Variants in SCAPER observed in about 807,000 individuals in gnomAD.
SCAPER encodes S phase cyclin A-associated protein in the endoplasmic reticulum.
A neutral mutation model predicts 182.2 loss-of-function variants in SCAPER; 98 were observed. The ratio of observed to expected loss-of-function variants is 0.54; its 90% CI spans 0.46 to 0.64. The LOEUF is 0.64. Ranked by LOEUF, SCAPER falls within the 30% of genes least tolerant of loss-of-function variation. SCAPER has a pLI of 0.00. For synonymous variants in SCAPER, 605 were observed against 564.6 expected (o/e 1.07, Z -1.01); for missense variants, 1,432 against 1,690.0 (o/e 0.85, Z 2.68).
At chr15:76,847,869 TATG>T (rs2070279008) in intron 4 of SCAPER, among the ~76,000 whole-genome samples, 2 of 152,142 alleles carry the variant, frequency 1.3e-5, no homozygotes, top group Admixed American at 1.3e-4. Context: ...TGCAGTGAGC[TATG>T]ATCATGCCAC....
chr15:76,661,686 T>A (rs1324600762), intron 21 of SCAPER, among the ~76,000 whole-genome samples: 2 of 152,054 alleles, frequency 1.3e-5, no homozygotes, highest in East Asian at 3.8e-4. Context: ...AAAAAAACAA[T>A]GCTGGGGAGG....
At chr15:76,888,238 A>T (rs1005758146) in intron 1 of SCAPER, among the ~76,000 whole-genome samples, 1 of 152,264 alleles carries the variant, frequency 6.6e-6, no homozygotes, top group African/African-American at 2.4e-5. Context: ...AGAGCAGAAA[A>T]GCTGAAAATT....
At chr15:76,741,976 A>C (rs1022345312) in intron 15 of SCAPER, among the ~76,000 whole-genome samples, 1 of 152,148 alleles carries the variant, frequency 6.6e-6, no homozygotes, top group African/African-American at 2.4e-5. Context: ...CTAAAAAAGA[A>C]GAGTAAGTGA....
chr15:76,700,980 G>A (rs575371178), intron 20 of SCAPER, among the ~76,000 whole-genome samples: 83 of 151,822 alleles, frequency 5.5e-4, no homozygotes, highest in African/African-American at 1.9e-3. Flanking sequence ...AGCCCAAAGG[G>A]TACAACAAAT....
chr15:76,890,391 A>G lies in SCAPER; in HGVS notation c.-59-6515T>C, dbSNP rs554089289. Among the ~76,000 whole-genome samples the G allele has an allele frequency of 3.7e-4, 57 of 152,296 alleles. 4 individuals carry two copies. The South Asian group carries it at 0.012, about 32-fold the overall frequency. ...AATGAATCCAGGAGCTGTTTTTTTG[A>G]AAAGATCAACAAAATTGATAGACTG... On this transcript the variant is annotated intron_variant, in intron 1 of 31. Coordinates refer to ENST00000563290, the MANE Select transcript of SCAPER (RefSeq NM_020843.4).
At chr15:76,711,765 C>T (rs1286220333) in intron 17 of SCAPER, among the ~76,000 whole-genome samples, 1 of 152,070 alleles carries the variant, frequency 6.6e-6, no homozygotes, top group East Asian at 1.9e-4. Flanking sequence ...ATATCCTCCC[C>T]CCATTTTTTG....
At chr15:76,655,749 C>G (rs1175828458) in intron 21 of SCAPER, among the ~76,000 whole-genome samples, 2 of 152,156 alleles carry the variant, frequency 1.3e-5, no homozygotes, top group Non-Finnish European at 2.9e-5. Flanking sequence ...AGATTGGACG[C>G]TTATATTCAG....
intron 23 of SCAPER, among the ~76,000 whole-genome samples, chr15:76,550,415 G>C (rs1383955904): frequency 1.3e-5 from 2 of 152,118 alleles, no homozygotes; most frequent in Non-Finnish European, 2.9e-5. Flanking sequence ...TCACTGCTCA[G>C]CTTCCACTTA....
intron 21 of SCAPER, among the ~76,000 whole-genome samples, chr15:76,625,857 A>C (rs536168200): frequency 6.6e-6 from 1 of 152,210 alleles, no homozygotes; most frequent in East Asian, 1.9e-4. Flanking sequence ...GCAGAAGAAA[A>C]GGCTACCTCA....
rs2047656120 is a variant in SCAPER at position 76,574,214 on chromosome 15, T to C, written c.2782A>G (p.Lys928Glu). 4 of 1,611,466 alleles carry C rather than the reference T, an allele frequency of 2.5e-6. No homozygotes were observed. The highest frequency in any genetic ancestry group is 2.2e-5 in the East Asian group (1 of 44,766). Residue 928 changes from lysine to glutamate, a missense_variant, in exon 23 of 32, where the codon AAA becomes GAA. Physicochemically the swap from Lys to Glu is moderately conservative, Grantham distance 56 (BLOSUM62 1). Transcript: ENST00000563290. ...AGGGTCCGATCCAAAGCAGACACTT[T>C]ATTGTTTGCCCATGAGCCACTGTCT... ...VQDSGSWANN[K>E]VSALDRTLGE...
chr15:76,594,992 G>A lies in SCAPER; in HGVS notation c.2712-20708C>T, dbSNP rs1381913553. Among the ~76,000 whole-genome samples the A allele has an allele frequency of 3.3e-5, 4 of 121,380 alleles. 2 individuals carry two copies. The highest frequency in any genetic ancestry group is 8.0e-5 in the Non-Finnish European group (4 of 50,142). 79.6% of individuals were successfully genotyped at this position (121,380 alleles called of 152,430 possible). ...ACACATAACAATATTAACCTTAAAC[G>A]TAAATGGGCTAAATGCCCTAATTAG... On this transcript the variant is annotated intron_variant, in intron 22 of 31. Transcript: ENST00000563290.
chr15:76,693,286 AAAGT>A (rs1303669337), intron 20 of SCAPER, among the ~76,000 whole-genome samples: 1 of 152,230 alleles, frequency 6.6e-6, no homozygotes, highest in African/African-American at 2.4e-5. Flanking sequence ...TTGCTAATTT[AAAGT>A]AAGACCAACC....
At chr15:76,635,422 G>A (rs2053507056) in intron 21 of SCAPER, among the ~76,000 whole-genome samples, 1 of 152,192 alleles carries the variant, frequency 6.6e-6, no homozygotes, top group African/African-American at 2.4e-5. Flanking sequence ...AGTGGCCCTG[G>A]CCAGGAATTG....
chr15:76,831,285 G>A (rs3099137), intron 5 of SCAPER, among the ~76,000 whole-genome samples: 23,148 of 151,934 alleles, frequency 0.15, 1,967 homozygotes, highest in African/African-American at 0.24. Flanking sequence ...CCATTTGCTG[G>A]CCTCTTTCAG....
At chr15:76,570,916 A>G (rs1829649976) in intron 23 of SCAPER, among the ~76,000 whole-genome samples, 1 of 152,048 alleles carries the variant, frequency 6.6e-6, no homozygotes, top group South Asian at 2.1e-4. Context: ...CAGGGGTTGG[A>G]CTATGGGTAT....
Position 76,762,535 on chromosome 15 carries a change from A to G in SCAPER, c.1725+2426T>C, listed in dbSNP as rs149266696. Among the ~76,000 whole-genome samples the G allele has an allele frequency of 6.8e-3, 1,031 of 152,012 alleles. 15 individuals carry two copies. Among genetic ancestry groups the G allele is most frequent in the African/African-American group, 0.024 (979 of 41,446 alleles). ...CCTACAAAACTCTGCACTTTTACCT[A>G]CCATTACACTATGTGTTTTTGAAGT... On this transcript the variant is annotated intron_variant, in intron 14 of 31. Transcript: ENST00000563290.
At chr15:76,560,159 T>C (rs1302761172) in intron 23 of SCAPER, among the ~76,000 whole-genome samples, 1 of 152,102 alleles carries the variant, frequency 6.6e-6, no homozygotes, top group African/African-American at 2.4e-5. Context: ...TGTGATAGCA[T>C]TGGGTGTGGG....
At chr15:76,724,157 C>T (rs62028190) in intron 17 of SCAPER, among the ~76,000 whole-genome samples, 142,239 of 145,462 alleles carry the variant, frequency 0.98, 69,625 homozygotes, top group South Asian at 1. Context: ...GTTTGTAAAG[C>T]AAAGACTTAT....
intron 5 of SCAPER, among the ~76,000 whole-genome samples, chr15:76,821,703 G>C (rs1260717576): frequency 6.6e-6 from 1 of 152,066 alleles, no homozygotes. Flanking sequence ...GGCTGAGGTA[G>C]CAGGACTGCT....
Sources: allele counts gnomAD v4.1 joint callset (sites outside exome capture counted in the v4.1 genomes callset), GRCh38; gene constraint gnomAD v4.1.1; transcripts MANE v1.5; gene names NCBI Gene and HGNC (gene_info 2026-07-23, HGNC 2026-07-21).